WBP11: variants seen among roughly 807,000 people sequenced by gnomAD.
The protein encoded by WBP11 is WW domain-binding protein 11.
A neutral mutation model predicts 66.7 loss-of-function variants in WBP11; 12 were observed. The ratio of observed to expected loss-of-function variants is 0.18; its 90% CI spans 0.12 to 0.29. The LOEUF (loss-of-function observed/expected upper bound fraction) is 0.29. WBP11 is among the 10% of genes least tolerant of loss of function. The probability of loss-of-function intolerance (pLI) is 1.00; values close to 1 mark genes in which losing one functional copy is unlikely to be tolerated. For missense variants in WBP11, 555 were observed against 818.3 expected, an observed-to-expected ratio of 0.68 and a Z score of 3.93; for synonymous variants, 255 against 273.8, an observed-to-expected ratio of 0.93 and a Z score of 0.68.
At chr12:14,793,205 T>G (rs1249106380) in intron 8 of WBP11, among the ~76,000 whole-genome samples, 1 of 152,226 alleles carries the variant, frequency 6.6e-6, no homozygotes, top group Non-Finnish European at 1.5e-5. Flanking sequence ...CAGTACCCAT[T>G]ATGATGCTTA....
At chr12:14,792,400 C>T (rs1949830676) in intron 8 of WBP11, among the ~76,000 whole-genome samples, 1 of 151,996 alleles carries the variant, frequency 6.6e-6, no homozygotes, top group African/African-American at 2.4e-5. Context: ...GTGAACAGAA[C>T]TTTAGTTTTG....
In WBP11 at chr12:14,793,913, C is replaced by A; in HGVS notation, c.731G>T (p.Gly244Val). 4 of 1,608,008 alleles carry A rather than the reference C, an allele frequency of 2.5e-6. No homozygotes were observed. The highest frequency in any genetic ancestry group is 3.4e-6 in the Non-Finnish European group (4 of 1,176,470). Residue 244 changes from glycine to valine, a missense_variant, in exon 8 of 12, where the codon GGT becomes GTT. Gly to Val is a moderately radical substitution (Grantham distance 109). Coordinates refer to ENST00000261167, the MANE Select transcript of WBP11 (RefSeq NM_016312.3). ...GGTGCTAGAAACATCATCATCATGA[C>A]CTCGCTGGGCTGAAAAGTGGGAAGG... ...MLYSPELAQR[G>V]HDDDVSSTSE... is the part of the protein sequence containing the mutation.
Position 14,801,436 on chromosome 12 carries a change from G to A in WBP11, c.-45-8C>T. ...CATTAAAAAAAGAAAAACCTGTGAA[G>A]GTGAAGACAAAGAAATAGCTTATAT... On this transcript the variant is annotated splice_region_variant and splice_polypyrimidine_tract_variant and intron_variant, in intron 1 of 11. Transcript: ENST00000261167. The A allele has an allele frequency of 3.2e-6, 5 of 1,556,686 alleles. No homozygotes were observed. In the South Asian group the frequency reaches 5.6e-5, roughly 17 times the overall value.
At chr12:14,795,805 T>G (rs1949887340) in intron 5 of WBP11, among the ~76,000 whole-genome samples, 1 of 152,234 alleles carries the variant, frequency 6.6e-6, no homozygotes, top group South Asian at 2.1e-4. Context: ...GTGGTGGAGG[T>G]TGGGCTCATT....
At chr12:14,798,232 G>C (rs1214660850) in intron 4 of WBP11, among the ~76,000 whole-genome samples, 1 of 152,170 alleles carries the variant, frequency 6.6e-6, no homozygotes, top group African/African-American at 2.4e-5. Flanking sequence ...AGCGCTGAAT[G>C]CCTGAGTTTT....
chr12:14,793,954 G>T (rs780954718), intron 7 of WBP11, 32 bp from the exon 8 acceptor site: 1 of 1,513,672 alleles, frequency 6.6e-7, no homozygotes, highest in Non-Finnish European at 8.9e-7. Flanking sequence ...TGGAGAAGTA[G>T]TATGATTGGA....
chr12:14,799,779 T>C, intron 3 of WBP11, 51 bp from the exon 4 acceptor site: 2 of 1,542,142 alleles, frequency 1.3e-6, no homozygotes, highest in South Asian at 2.3e-5. Flanking sequence ...TCAGGAGTTT[T>C]ACTTCAACTT....
intron 1 of WBP11, among the ~76,000 whole-genome samples, chr12:14,802,652 T>C (rs1949979213): frequency 1.5e-5 from 2 of 134,734 alleles, no homozygotes; most frequent in South Asian, 2.7e-4. Flanking sequence ...CTAGCTACCA[T>C]ACACCCTGTC....
At chr12:14,790,260 G>A (rs1371019105) in intron 10 of WBP11, among the ~76,000 whole-genome samples, 196 bp downstream of exon 10, 3 of 152,256 alleles carry the variant, frequency 2.0e-5, no homozygotes, top group Non-Finnish European at 2.9e-5. Context: ...ACAGGTGGCT[G>A]TCAGTAGAAC....
In WBP11 at chr12:14,790,768, C is replaced by A. The variant is rs776947341; in HGVS notation, c.1016-19G>T. Reference sequence around the variant, plus strand: ...TCTTGACCTGAAAGAAATTTTAAACCCAGTAAATGGAGTTGATTCATTTTC... The same window carrying A: ...TCTTGACCTGAAAGAAATTTTAAACACAGTAAATGGAGTTGATTCATTTTC... On this transcript the variant is annotated intron_variant, in intron 9 of 11. Transcript: ENST00000261167. 6.2e-7 allele frequency: 1 copy of A among 1,603,360 alleles called. No individual in the cohort carries two copies. The highest frequency in any genetic ancestry group is 8.5e-7 in the Non-Finnish European group (1 of 1,174,468).
At position 14,796,828 on chromosome 12, in the gene WBP11, G is replaced by C; in HGVS notation, c.366C>G (p.Ser122Arg). ...TTACCTTGACAGCATCAAAATATTG[G>C]CTAAGTTGAGCCCTCTTCTGTTCAT... ...VEYEQKRAQL[S>R]QYFDAVKNAQ... Residue 122 changes from serine to arginine, a missense_variant, in exon 5 of 12, where the codon AGC becomes AGG. Coordinates refer to ENST00000261167, the MANE Select transcript of WBP11 (RefSeq NM_016312.3). This position sits in a 1 kb window ranked among gnomAD's most constrained non-coding sequence, Gnocchi z 4.5. 1 of 1,592,152 alleles carries C rather than the reference G, an allele frequency of 6.3e-7. No individual in the cohort carries two copies. Among genetic ancestry groups the C allele is most frequent in the Non-Finnish European group, 8.5e-7 (1 of 1,174,068 alleles).
intron 4 of WBP11, among the ~76,000 whole-genome samples, chr12:14,798,235 T>G (rs1949915134): frequency 6.6e-6 from 1 of 152,194 alleles, no homozygotes; most frequent in South Asian, 2.1e-4. Context: ...GCTGAATGCC[T>G]GAGTTTTAAT....
At chr12:14,797,923 G>A (rs1330796371) in intron 4 of WBP11, among the ~76,000 whole-genome samples, 2 of 152,154 alleles carry the variant, frequency 1.3e-5, no homozygotes, top group Non-Finnish European at 2.9e-5. Context: ...TACTGATGAT[G>A]AGACTGGATT....
Position 14,794,687 on chromosome 12 carries a change from G to T in WBP11, c.571C>A (p.Pro191Thr). The T allele has an allele frequency of 6.2e-7, 1 of 1,605,922 alleles. No homozygotes were observed. The highest frequency in any genetic ancestry group is 8.5e-7 in the Non-Finnish European group (1 of 1,176,172). The change falls in exon 7 of 12, where the codon CCA becomes ACA. Residue 191 changes from proline (P) to threonine (T), a missense_variant. Pro to Thr is a conservative substitution (Grantham distance 38, BLOSUM62 -1). Around this residue, in one of 6 missense-constraint regions of WBP11, gnomAD observed 220 missense variants for 268.2 expected, o/e 0.82. Coordinates refer to ENST00000261167, the MANE Select transcript of WBP11 (RefSeq NM_016312.3). The stretch of plus-strand genomic sequence containing the variant: ...GGTTTTCTGCCAGGGGGCAAACGTG[G>T]AACACCATGTCCAAGAAGAGGAAGG... ...SILPLLGHGV[P>T]RLPPGRKPPG...
At chr12:14,788,911 C>T (rs751727182) in intron 11 of WBP11, 40 bp downstream of exon 11, 13 of 1,134,028 alleles carry the variant, frequency 1.1e-5, no homozygotes, top group African/African-American at 3.3e-5. Flanking sequence ...ATTAAATAAA[C>T]AGCAGGCTAA....
At chr12:14,795,360 G>A (rs987583698) in intron 5 of WBP11, among the ~76,000 whole-genome samples, 8 of 151,982 alleles carry the variant, frequency 5.3e-5, no homozygotes, top group African/African-American at 1.9e-4. Flanking sequence ...TGGATGATTC[G>A]AAACAGCTGT....
rs1949790706 is a variant in WBP11 at position 14,789,071 on chromosome 12, A to C, written c.1372T>G (p.Leu458Val). ...PGLRGPLPRL[L>V]PPGPPPGRPP... is the part of the protein sequence containing the mutation. The stretch of plus-strand genomic sequence containing the variant: ...CGGCCTGGTGGTGGTCCTGGAGGTA[A>C]AAGTCGGGGTAAGGGCCCTCGGAGT... The change falls in exon 11 of 12, where the codon TTA (leucine) becomes GTA (valine). Residue 458 changes from leucine to valine, a missense_variant. By Grantham distance (32) the Leu-to-Val change is conservative. Coordinates refer to ENST00000261167, the MANE Select transcript of WBP11 (RefSeq NM_016312.3). 1 of 1,517,308 alleles carries C rather than the reference A, an allele frequency of 6.6e-7. No individual in the cohort carries two copies. The highest frequency in any genetic ancestry group is 8.7e-7 in the Non-Finnish European group (1 of 1,146,398). The allele number at this position is 1,517,308 out of a possible 1,614,324, so 94.0% of individuals were successfully genotyped here.
At chr12:14,801,466 T>C in intron 1 of WBP11, 38 bp from the exon 2 acceptor site, 1 of 1,344,470 alleles carries the variant, frequency 7.4e-7, no homozygotes, top group Non-Finnish European at 1.0e-6. Flanking sequence ...TTATATCTCC[T>C]AAATGTATTT....
At position 14,784,981 on chromosome 12, in the gene WBP11, T is replaced by C. The variant is rs1949735730; in HGVS notation, c.*2084A>G. ...AAATTATACTAGCAATATAAGGAAA[T>C]GCCTTTATGATAAACTATCAACAGC... On this transcript the variant is annotated 3_prime_UTR_variant, in exon 12 of 12. Coordinates refer to ENST00000261167, the MANE Select transcript of WBP11 (RefSeq NM_016312.3). 1 of 152,218 alleles carries C rather than the reference T, an allele frequency of 6.6e-6. No homozygotes were observed. Among genetic ancestry groups the C allele is most frequent in the South Asian group, 2.1e-4 (1 of 4,836 alleles). The allele number at this position is 152,218 out of a possible 1,614,324, so 9.4% of individuals were successfully genotyped here. A position where few individuals can be genotyped will look rare whatever the true frequency, so the allele number is the denominator to read the frequency against.
Sources: allele counts gnomAD v4.1 joint callset (sites outside exome capture counted in the v4.1 genomes callset), GRCh38; gene constraint gnomAD v4.1.1; regional missense constraint gnomAD v4.1.1; non-coding constraint Gnocchi (gnomAD v3.1); transcripts MANE v1.5; gene names NCBI Gene and HGNC (gene_info 2026-07-23, HGNC 2026-07-21).